ADAD2: variants seen among roughly 807,000 people sequenced by gnomAD.
The protein encoded by ADAD2 is adenosine deaminase domain-containing protein 2.
ADAD2 carries 60 observed loss-of-function variants against 54.5 expected under a neutral mutation model. The observed-to-expected ratio is 1.10, with a 90% CI of 0.89 to 1.36. The LOEUF is 1.36. Ranked by LOEUF, ADAD2 falls within the 40% of genes most tolerant of loss-of-function variation. ADAD2 has a pLI of 0.00. For synonymous variants in ADAD2, 543 were observed against 366.2 expected (o/e 1.48, Z -5.51); for missense variants, 1,103 against 801.3 (o/e 1.38, Z -4.54).
In ADAD2 at chr16:84,195,156, C is replaced by T. The variant is rs1358986863; in HGVS notation, c.695C>T (p.Ala232Val). 2 of 1,613,426 alleles carry T rather than the reference C, an allele frequency of 1.2e-6. No individual in the cohort carries two copies. Among genetic ancestry groups the T allele is most frequent in the Admixed American group, 1.7e-5 (1 of 59,996 alleles). The change falls in exon 4 of 10, where the codon GCC becomes GTC. Residue 232 changes from alanine (A) to valine (V), a missense_variant. Physicochemically the swap from Ala to Val is moderately conservative, Grantham distance 64. Transcript: ENST00000315906. Reference protein sequence around the residue: ...LLLDERSPYWACKGTVAGVIL... With the variant: ...LLLDERSPYWVCKGTVAGVIL... ...TTGGACGAGCGCTCGCCATACTGGG[C>T]CTGTAAGGGGACTGTGGCTGGAGTC... is the stretch of plus-strand genomic sequence containing the variant.
In ADAD2 at chr16:84,191,870, AGAGT is replaced by A. The variant is rs967999436; in HGVS notation, c.418+223_418+226del. The A allele has an allele frequency of 5.7e-6, 4 of 696,340 alleles. No individual in the cohort carries two copies. In the Admixed American group the frequency reaches 9.0e-5, roughly 16 times the overall value. 43.1% of individuals were successfully genotyped at this position (696,340 alleles called of 1,614,324 possible). A position where few individuals can be genotyped will look rare whatever the true frequency, so the allele number is the denominator to read the frequency against. ...GCCACACCAGATGCTCAACTGTGAA[AGAGT>A]CATGGCAGGTGAACATTCTTCCCAC... On this transcript the variant is annotated intron_variant, in intron 1 of 9. Transcript: ENST00000315906.
Position 84,191,234 on chromosome 16 carries a change from G to T in ADAD2, c.4G>T (p.Ala2Ser), listed in dbSNP as rs753990309. 1.9e-6 allele frequency: 3 copies of T among 1,607,394 alleles called. No individual in the cohort carries two copies. In the East Asian group the frequency reaches 6.7e-5, roughly 36 times the overall value. The change falls in exon 1 of 10, where the codon GCT becomes TCT. Residue 2 changes from alanine to serine, a missense_variant. Physicochemically the swap from Ala to Ser is moderately conservative, Grantham distance 99. Coordinates refer to ENST00000315906, the MANE Select transcript of ADAD2 (RefSeq NM_001145400.2). M[A>S]SASQGADDDG... ...CCTCAGATCTTCGTTGGCGGCCATGGCTTCGGCTTCTCAGGGCGCTGACGA... is the reference window on the plus strand; with the variant it reads ...CCTCAGATCTTCGTTGGCGGCCATGTCTTCGGCTTCTCAGGGCGCTGACGA...
chr16:84,194,719 A>G (rs898312295), intron 2 of ADAD2, 137 bp downstream of exon 2: 19 of 1,443,094 alleles, frequency 1.3e-5, no homozygotes, highest in Admixed American at 2.0e-5. Flanking sequence ...GAGCATCAGG[A>G]CGTCACCTGC....
chr16:84,194,233 G>A (rs2089695524), intron 1 of ADAD2: 1 of 1,556,780 alleles, frequency 6.4e-7, no homozygotes, highest in Admixed American at 2.0e-5. Flanking sequence ...TGAGGACTTG[G>A]TTGAATCAGC....
intron 1 of ADAD2, 114 bp from the exon 2 acceptor site, chr16:84,194,328 G>A (rs1306211226): frequency 1.3e-6 from 2 of 1,544,242 alleles, no homozygotes; most frequent in Non-Finnish European, 1.7e-6. Context: ...GAAGGGTGGT[G>A]AGGGTCTCAT....
At position 84,191,534 on chromosome 16, in the gene ADAD2, GC is replaced by G. The variant is rs758314868; in HGVS notation, c.305del (p.Ala102GlufsTer46). The G allele has an allele frequency of 1.6e-5, 24 of 1,547,244 alleles. No homozygotes were observed. Among genetic ancestry groups the G allele is most frequent in the Non-Finnish European group, 2.1e-5 (24 of 1,146,710 alleles). On this transcript the variant is annotated frameshift_variant, in exon 1 of 10. Coordinates refer to ENST00000315906, the MANE Select transcript of ADAD2 (RefSeq NM_001145400.2). LOFTEE classifies it high-confidence loss of function. ...GGCCCCGAGGGTCCCTGTGCCCCCA[GC>G]AGGGCTCAGCCTGCCGCTCAAAGAC... ...GKAPRVPVPP[A>X]GLSLPLKDPP... is the part of the protein sequence containing the mutation.
rs370210134 is a variant in ADAD2, at chr16:84,191,258, G to C, written c.28G>C (p.Asp10His). 8 of 1,606,622 alleles carry C rather than the reference G, an allele frequency of 5.0e-6. No homozygotes were observed. The highest frequency in any genetic ancestry group is 6.8e-6 in the Non-Finnish European group (8 of 1,177,124). Residue 10 changes from aspartate to histidine, a missense_variant, in exon 1 of 10, where the codon GAC becomes CAC. Asp to His is a moderately conservative substitution (Grantham distance 81). Coordinates refer to ENST00000315906, the MANE Select transcript of ADAD2 (RefSeq NM_001145400.2). MASASQGAD[D>H]DGSRRKPRLA... Reference sequence around the variant, plus strand: ...GGCTTCGGCTTCTCAGGGCGCTGACGACGACGGCAGTCGTAGGAAGCCCCG... The same window carrying C: ...GGCTTCGGCTTCTCAGGGCGCTGACCACGACGGCAGTCGTAGGAAGCCCCG...
At position 84,194,470 on chromosome 16, in the gene ADAD2, G is replaced by A. The variant is rs765767363; in HGVS notation, c.447G>A (p.Ala149=). 22 of 1,607,552 alleles carry A rather than the reference G, an allele frequency of 1.4e-5. No homozygotes were observed. The highest frequency in any genetic ancestry group is 1.0e-4 in the South Asian group (9 of 90,380). The change falls in exon 2 of 10, where the codon GCG becomes GCA. Residue 149 remains alanine, a synonymous_variant. Transcript: ENST00000315906. ...PGPCFPFSVS[A]ELDGVVCPAG... ...CCTGCTTCCCCTTCTCGGTGAGCGCGGAACTGGATGGGGTGGTCTGCCCTG... is the reference window on the plus strand; with the variant it reads ...CCTGCTTCCCCTTCTCGGTGAGCGCAGAACTGGATGGGGTGGTCTGCCCTG...
Position 84,195,131 on chromosome 16 carries a change from T to C in ADAD2, c.670T>C (p.Leu224=), listed in dbSNP as rs577624700. 5 of 1,613,596 alleles carry C rather than the reference T, an allele frequency of 3.1e-6. No individual in the cohort carries two copies. The Admixed American group carries it at 5.0e-5, about 16-fold the overall frequency. Residue 224 remains leucine (L), a synonymous_variant, in exon 4 of 10, where the codon TTG becomes CTG. Coordinates refer to ENST00000315906, the MANE Select transcript of ADAD2 (RefSeq NM_001145400.2). ...ALVSAGFDLL[L]DERSPYWACK... ...GGTGAGCGCCGGCTTTGACCTCCTG[T>C]TGGACGAGCGCTCGCCATACTGGGC...
chr16:84,194,104 TG>T (rs762495702), intron 1 of ADAD2: 1 of 1,613,952 alleles, frequency 6.2e-7, no homozygotes, highest in Non-Finnish European at 8.5e-7. Context: ...GAGAACAGGG[TG>T]GCGTGGGCTC....
At chr16:84,192,099 C>T (rs1486247064) in intron 1 of ADAD2, among the ~76,000 whole-genome samples, 2 of 152,182 alleles carry the variant, frequency 1.3e-5, no homozygotes, top group Admixed American at 6.5e-5. Flanking sequence ...ATTTCCTCTT[C>T]TTCAATACAT....
In ADAD2 at chr16:84,191,312, C is replaced by G. The variant is rs766842374; in HGVS notation, c.82C>G (p.Gln28Glu). ...GGCTGCATCGTTGCAGATCAGCCCC[C>G]AGCCCCGCCCCTGGCGACCGCTACC... ...RLAASLQISP[Q>E]PRPWRPLPAQ... is the part of the protein sequence containing the mutation. Residue 28 changes from glutamine (Q) to glutamate (E), a missense_variant, in exon 1 of 10, where the codon CAG (glutamine) becomes GAG (glutamate). Coordinates refer to ENST00000315906, the MANE Select transcript of ADAD2 (RefSeq NM_001145400.2). The G allele has an allele frequency of 6.3e-7, 1 of 1,588,904 alleles. No individual in the cohort carries two copies. Among genetic ancestry groups the G allele is most frequent in the Non-Finnish European group, 8.6e-7 (1 of 1,167,184 alleles).
rs1034353005 is a variant in ADAD2, at chr16:84,195,203, C to A, written c.733+9C>A. 1.9e-6 allele frequency: 3 copies of A among 1,611,058 alleles called. No homozygotes were observed. The African/African-American group carries it at 4.0e-5, about 22-fold the overall frequency. ...AGTCATCCTGGAGAGGGGTAGGGATCGCCCCAGCCCTGGCCCTGGCCCCGG... is the reference window on the plus strand; with the variant it reads ...AGTCATCCTGGAGAGGGGTAGGGATAGCCCCAGCCCTGGCCCTGGCCCCGG... On this transcript the variant is annotated intron_variant, in intron 4 of 9. Transcript: ENST00000315906.
rs562445876 is a variant in ADAD2 at position 84,195,622 on chromosome 16, C to T, written c.977C>T (p.Pro326Leu). ...VLAPQPGPGP[P>L]FTLKPRVFLH... ...GCCCCCCAGCCAGGGCCCGGACCCC[C>T]ATTCACCCTCAAGCCCCGCGTCTTC... Residue 326 changes from proline to leucine, a missense_variant, in exon 6 of 10, where the codon CCA (proline) becomes CTA (leucine). Transcript: ENST00000315906. 3.7e-5 allele frequency: 59 copies of T among 1,604,682 alleles called. 1 individual carries two copies. The South Asian group carries it at 6.3e-4, about 17-fold the overall frequency.
In ADAD2 at chr16:84,196,247, C is replaced by T; in HGVS notation, c.1403C>T (p.Ala468Val). ...PYVRTALHLF[A>V]GPPVAPSEPT... ...GTCCGGACCGCCCTGCACCTGTTTG[C>T]AGGGCCCCCGGTGGCCCCTTCCGAA... The change falls in exon 8 of 10, where the codon GCA becomes GTA. Residue 468 changes from alanine to valine, a missense_variant. By Grantham distance (64) the Ala-to-Val change is moderately conservative. Coordinates refer to ENST00000315906, the MANE Select transcript of ADAD2 (RefSeq NM_001145400.2). 6.2e-7 allele frequency: 1 copy of T among 1,612,376 alleles called. No homozygotes were observed. The highest frequency in any genetic ancestry group is 8.5e-7 in the Non-Finnish European group (1 of 1,179,940).
intron 2 of ADAD2, 93 bp downstream of exon 2, chr16:84,194,675 G>T (rs1357505694): frequency 3.1e-5 from 48 of 1,533,054 alleles, no homozygotes; most frequent in Non-Finnish European, 4.0e-5. Context: ...GGCTGTGCGT[G>T]TGAGCAGGAG....
Position 84,191,164 on chromosome 16 carries a change from C to A in ADAD2, c.-67C>A. ...TGCTCCCCACGTGAAGGCACCCGCCCTGCGCGTGTGAAAGGGCGAGAGCAG... is the reference window on the plus strand; with the variant it reads ...TGCTCCCCACGTGAAGGCACCCGCCATGCGCGTGTGAAAGGGCGAGAGCAG... On this transcript the variant is annotated 5_prime_UTR_variant, in exon 1 of 10. The change creates a new upstream start codon in the 5' untranslated region. Coordinates refer to ENST00000315906, the MANE Select transcript of ADAD2 (RefSeq NM_001145400.2). The A allele has an allele frequency of 6.4e-7, 1 of 1,552,628 alleles. No homozygotes were observed. The highest frequency in any genetic ancestry group is 1.2e-5 in the South Asian group (1 of 84,834).
rs1355688355 is a variant in ADAD2, at chr16:84,194,445, C to T, written c.422C>T (p.Pro141Leu). The change falls in exon 2 of 10, where the codon CCC (proline) becomes CTC (leucine). Residue 141 changes from proline (P) to leucine (L), a missense_variant. Physicochemically the swap from Pro to Leu is moderately conservative, Grantham distance 98. Coordinates refer to ENST00000315906, the MANE Select transcript of ADAD2 (RefSeq NM_001145400.2). ...LLFREDQPPGPCFPFSVSAEL... is the reference protein window; with the variant it reads ...LLFREDQPPGLCFPFSVSAEL... ...CCTCACCTGGCTCCTTCCCCAGGTCCCTGCTTCCCCTTCTCGGTGAGCGCG... is the reference window on the plus strand; with the variant it reads ...CCTCACCTGGCTCCTTCCCCAGGTCTCTGCTTCCCCTTCTCGGTGAGCGCG... 4 of 1,603,896 alleles carry T rather than the reference C, an allele frequency of 2.5e-6. No homozygotes were observed. Among genetic ancestry groups the T allele is most frequent in the Admixed American group, 3.3e-5 (2 of 59,754 alleles).
At position 84,194,447 on chromosome 16, in the gene ADAD2, T is replaced by C; in HGVS notation, c.424T>C (p.Cys142Arg). 1 of 1,604,564 alleles carries C rather than the reference T, an allele frequency of 6.2e-7. No homozygotes were observed. The highest frequency in any genetic ancestry group is 8.5e-7 in the Non-Finnish European group (1 of 1,179,096). The change falls in exon 2 of 10, where the codon TGC (cysteine) becomes CGC (arginine). Residue 142 changes from cysteine (C) to arginine (R), a missense_variant. Physicochemically the swap from Cys to Arg is radical, Grantham distance 180 (BLOSUM62 -3). Transcript: ENST00000315906. The part of the protein sequence containing the change: ...LFREDQPPGP[C>R]FPFSVSAELD... ...TCACCTGGCTCCTTCCCCAGGTCCC[T>C]GCTTCCCCTTCTCGGTGAGCGCGGA...
Sources: allele counts gnomAD v4.1 joint callset (sites outside exome capture counted in the v4.1 genomes callset), GRCh38; gene constraint gnomAD v4.1.1; transcripts MANE v1.5; gene names NCBI Gene and HGNC (gene_info 2026-07-23, HGNC 2026-07-21).